Variants in NAT10 observed in about 807,000 individuals in gnomAD.
The protein encoded by NAT10 is RNA cytidine acetyltransferase.
NAT10 carries 109 observed loss-of-function variants against 132.2 expected under a neutral mutation model. The observed-to-expected ratio is 0.82, with a 90% CI of 0.71 to 0.97. The LOEUF (loss-of-function observed/expected upper bound fraction) is 0.97, where lower values mean the gene tolerates loss of function less well. Among genes scored for constraint, NAT10 ranks in the 50% least tolerant of loss-of-function variants. The pLI is 0.00. For synonymous variants in NAT10, 479 were observed against 478.0 expected (o/e 1.00, Z -0.03); for missense variants, 1,184 against 1,263.4 (o/e 0.94, Z 0.95).
At chr11:34,112,677 T>C (rs1357325533) in intron 4 of NAT10, among the ~76,000 whole-genome samples, 2 of 152,182 alleles carry the variant, frequency 1.3e-5, no homozygotes, top group African/African-American at 4.8e-5. Context: ...CCCTCTCCCC[T>C]TTTCTAGCCC....
chr11:34,143,519 G>A lies in NAT10; in HGVS notation c.2960G>A (p.Ser987Asn). The change falls in exon 28 of 29, where the codon AGC becomes AAC. Residue 987 changes from serine (S) to asparagine (N), a missense_variant. Coordinates refer to ENST00000257829, the MANE Select transcript of NAT10 (RefSeq NM_024662.3). ...GCTGGGCCGAACGCCTCGATCATCA[G>A]CCTGAAAAGGTGAGGGCCCAGGGTC... ...NKAGPNASII[S>N]LKSDKKRKLE... 6.2e-7 allele frequency: 1 copy of A among 1,613,932 alleles called. No homozygotes were observed. The highest frequency in any genetic ancestry group is 8.5e-7 in the Non-Finnish European group (1 of 1,179,910).
At position 34,112,072 on chromosome 11, in the gene NAT10, G is replaced by T. The variant is rs558723919; in HGVS notation, c.221G>T (p.Arg74Leu). Residue 74 changes from arginine (R) to leucine (L), a missense_variant, in exon 4 of 29, where the codon CGA (arginine) becomes CTA (leucine). Transcript: ENST00000257829. Reference sequence around the variant, plus strand: ...TGCAGTCACCGGAAGAAAAGAATGCGACAGCTGCAGAAGAAAATAAAGAAT... The same window carrying T: ...TGCAGTCACCGGAAGAAAAGAATGCTACAGCTGCAGAAGAAAATAAAGAAT... ...GFSSHRKKRM[R>L]QLQKKIKNGT... 11 of 1,614,146 alleles carry T rather than the reference G, an allele frequency of 6.8e-6. No homozygotes were observed. In the East Asian group the frequency reaches 2.2e-4, roughly 33 times the overall value.
chr11:34,140,450 C>A lies in NAT10; in HGVS notation c.2470C>A (p.Arg824=). ...ACTCTTCCTCCCCTATGACCTGAAG[C>A]GGCTGGAGATGTATTCACGGAATAT... ...EALFLPYDLK[R]LEMYSRNMVD... is the part of the protein sequence containing the mutation. The change falls in exon 24 of 29, where the codon CGG becomes AGG. Residue 824 remains arginine (R), a synonymous_variant. Transcript: ENST00000257829. 6.2e-7 allele frequency: 1 copy of A among 1,614,144 alleles called. No individual in the cohort carries two copies. The highest frequency in any genetic ancestry group is 8.5e-7 in the Non-Finnish European group (1 of 1,180,002).
Position 34,140,592 on chromosome 11 carries a change from C to T in NAT10, c.2592+20C>T, listed in dbSNP as rs370072701. 172 of 1,607,464 alleles carry T rather than the reference C, an allele frequency of 1.1e-4. No individual in the cohort carries two copies. Among genetic ancestry groups the T allele is most frequent in the Non-Finnish European group, 1.4e-4 (162 of 1,174,918 alleles). ...CAGTCGGTATGCTATCTGTTGCTTG[C>T]GTGGAGGAGAAGCGAGGATTGTGGA... On this transcript the variant is annotated intron_variant, in intron 24 of 28. Transcript: ENST00000257829.
Position 34,146,189 on chromosome 11 carries a change from AT to A in NAT10, c.3076del (p.Ter1026SerfsTer18). 6.3e-7 allele frequency: 1 copy of A among 1,593,572 alleles called. No homozygotes were observed. On this transcript the variant is annotated frameshift_variant and stop_lost, in exon 29 of 29. Transcript: ENST00000257829. LOFTEE classifies it high-confidence loss of function. ...KKDMKLKRKK* is the reference protein window; with the variant it reads ...KKDMKLKRKKX ...AAGATATGAAACTGAAGCGGAAGAA[AT>A]AGTGAAGAGAAACTCGGGCATCTGT...
intron 12 of NAT10, among the ~76,000 whole-genome samples, chr11:34,130,545 C>T (rs559021191): frequency 4.6e-5 from 7 of 152,304 alleles, no homozygotes; most frequent in African/African-American, 9.6e-5. Context: ...GAAGATGAGG[C>T]GAAAAGAGAT....
rs866615125 is a variant in NAT10 at position 34,139,649 on chromosome 11, T to C, written c.2419+154T>C. 5 of 654,320 alleles carry C rather than the reference T, an allele frequency of 7.6e-6. No individual in the cohort carries two copies. The Admixed American group carries it at 1.0e-4, about 13-fold the overall frequency. The allele number at this position is 654,320 out of a possible 1,614,324, so 40.5% of individuals were successfully genotyped here. A position where few individuals can be genotyped will look rare whatever the true frequency, so the allele number is the denominator to read the frequency against. Reference sequence around the variant, plus strand: ...CACCACCCGCTTGCCAGGCCCCTGCTCTGTCCCAGGCTGTGCTGTCTTTCA... The same window carrying C: ...CACCACCCGCTTGCCAGGCCCCTGCCCTGTCCCAGGCTGTGCTGTCTTTCA... On this transcript the variant is annotated intron_variant, in intron 23 of 28. Transcript: ENST00000257829.
intron 19 of NAT10, among the ~76,000 whole-genome samples, chr11:34,136,213 C>G (rs1310503811): frequency 6.6e-6 from 1 of 151,958 alleles, no homozygotes; most frequent in Admixed American, 6.6e-5. Flanking sequence ...ACCTGAGTAG[C>G]TGGGACTACA....
chr11:34,139,032 C>T (rs1159518680), intron 21 of NAT10, 159 bp from the exon 22 acceptor site: 6 of 615,746 alleles, frequency 9.7e-6, no homozygotes, highest in East Asian at 2.8e-5. Flanking sequence ...AAGGTGAAGG[C>T]GAGGGCTGTT....
intron 1 of NAT10, 144 bp from the exon 2 acceptor site, chr11:34,108,067 T>A: frequency 1.9e-6 from 1 of 536,028 alleles, no homozygotes; most frequent in Non-Finnish European, 3.3e-6. Context: ...GAGGCTGATG[T>A]CTTCCTGTGG....
Sources: gnomAD v4.1 joint callset for allele counts (sites outside exome capture counted in the v4.1 genomes callset) on GRCh38, gnomAD v4.1.1 for gene constraint, MANE v1.5 for transcripts, NCBI Gene and HGNC (gene_info 2026-07-23, HGNC 2026-07-21) for gene names.